The following HAPSTR1 variants were observed in gnomAD, a reference collection of about 807,000 sequenced individuals.
The protein encoded by HAPSTR1 is HUWE1-associated protein modifying stress responses 1.
chr16:9,105,507 A>G, the HAPSTR1 span: 4 of 152,212 alleles, frequency 2.6e-5, no homozygotes, highest in Admixed American at 1.3e-4. Context: ...TGAATATTTA[A>G]AGAAAGTAAT....
the HAPSTR1 span, chr16:9,092,892 GTTTTT>G: frequency 2.4e-6 from 3 of 1,267,864 alleles, no homozygotes; most frequent in African/African-American, 3.1e-5. Flanking sequence ...TTTCTTTTTG[GTTTTT>G]TTTTTTTTTG....
At chr16:9,097,240 C>CTTTTTTTTTTTTTTTTT in the HAPSTR1 span, among the ~76,000 whole-genome samples, 1 of 140,800 alleles carries the variant, frequency 7.1e-6, no homozygotes, top group Non-Finnish European at 1.5e-5. Context: ...GCGCCTGGCT[C>CTTTTTTTTTTTTTTTTT]TTTTTTTTTT....
the HAPSTR1 span, among the ~76,000 whole-genome samples, chr16:9,115,902 G>T: frequency 5.9e-5 from 9 of 152,266 alleles, no homozygotes; most frequent in East Asian, 5.8e-4. Flanking sequence ...GAGCCACTGC[G>T]CCTGGCCTTG....
the HAPSTR1 span, among the ~76,000 whole-genome samples, chr16:9,096,404 C>T: frequency 6.6e-6 from 1 of 152,120 alleles, no homozygotes; most frequent in South Asian, 2.1e-4. Context: ...TCTTCTTTCC[C>T]TAATTGGAGT....
chr16:9,095,362 G>A, the HAPSTR1 span, among the ~76,000 whole-genome samples: 2 of 152,168 alleles, frequency 1.3e-5, no homozygotes. Flanking sequence ...GCAAGGTGGT[G>A]TCACAAGTGC....
At chr16:9,119,145 A>G in the HAPSTR1 span, 1 of 152,578 alleles carries the variant, frequency 6.6e-6, no homozygotes, top group African/African-American at 2.4e-5. Context: ...CCCAGTCGCA[A>G]CTTTTCCCTT....
chr16:9,093,098 A>T, the HAPSTR1 span: 1 of 1,213,052 alleles, frequency 8.2e-7, no homozygotes, highest in Non-Finnish European at 1.2e-6. Flanking sequence ...TCCCCAGCCC[A>T]GCTGCTAACC....
At chr16:9,109,022 C>T in the HAPSTR1 span, 1 of 152,164 alleles carries the variant, frequency 6.6e-6, no homozygotes. Flanking sequence ...CTTTTGCCTT[C>T]TGGGATACTT....
the HAPSTR1 span, among the ~76,000 whole-genome samples, chr16:9,101,278 T>G: frequency 6.6e-6 from 1 of 152,242 alleles, no homozygotes. Context: ...TACTGTTATT[T>G]ACATTCAAAA....
the HAPSTR1 span, chr16:9,116,635 G>T: frequency 6.2e-7 from 1 of 1,600,356 alleles, no homozygotes; most frequent in South Asian, 1.1e-5. Flanking sequence ...TTACATAATT[G>T]AGCAACTCTA....
the HAPSTR1 span, chr16:9,092,902 T>A: frequency 6.5e-7 from 1 of 1,549,986 alleles, no homozygotes; most frequent in South Asian, 1.2e-5. Context: ...GTTTTTTTTT[T>A]TTTTGGCTTG....
the HAPSTR1 span, among the ~76,000 whole-genome samples, chr16:9,094,876 G>C: frequency 6.6e-6 from 1 of 152,192 alleles, no homozygotes; most frequent in Non-Finnish European, 1.5e-5. Context: ...TTGGGTTCTT[G>C]TAGAATGTGT....
At chr16:9,103,399 A>G in the HAPSTR1 span, 2 of 908,086 alleles carry the variant, frequency 2.2e-6, no homozygotes, top group Admixed American at 3.2e-5. Flanking sequence ...GTTTAATAGA[A>G]TGTAAGCTAA....
At chr16:9,092,388 C>T in the HAPSTR1 span, 50 of 930,454 alleles carry the variant, frequency 5.4e-5, no homozygotes, top group Non-Finnish European at 2.1e-5. Context: ...TCGGGGATCC[C>T]GGCCGGTGGC....
the HAPSTR1 span, among the ~76,000 whole-genome samples, chr16:9,114,594 A>G: frequency 6.6e-6 from 1 of 152,142 alleles, no homozygotes; most frequent in East Asian, 1.9e-4. Context: ...GATACGGTCT[A>G]AGGGTGAAGT....
At chr16:9,094,718 T>C in the HAPSTR1 span, among the ~76,000 whole-genome samples, 1 of 152,204 alleles carries the variant, frequency 6.6e-6, no homozygotes, top group Non-Finnish European at 1.5e-5. Flanking sequence ...TATTACTCTA[T>C]GGTGTGGCAG....
chr16:9,108,859 C>G, the HAPSTR1 span: 1 of 152,126 alleles, frequency 6.6e-6, no homozygotes, highest in Admixed American at 6.5e-5. Flanking sequence ...TAAATGAGAA[C>G]CCAGGCAGGT....
chr16:9,113,193 T>G, the HAPSTR1 span: 6 of 152,348 alleles, frequency 3.9e-5, no homozygotes, highest in East Asian at 1.9e-4. Context: ...ATTTTTTGGT[T>G]GTTAATCTTA....
chr16:9,105,982 A>G, the HAPSTR1 span: 79 of 152,368 alleles, frequency 5.2e-4, no homozygotes, highest in African/African-American at 1.8e-3. Context: ...TTAAAGGAAA[A>G]TGGCAGACTT....
Sources: gnomAD v4.1 joint callset for allele counts (sites outside exome capture counted in the v4.1 genomes callset) on GRCh38, gnomAD v4.1.1 for gene constraint, MANE v1.5 for transcripts, NCBI Gene and HGNC (gene_info 2026-07-23, HGNC 2026-07-21) for gene names.